Variants in SLC7A11 observed in about 807,000 individuals in gnomAD.
The protein encoded by SLC7A11 is cystine/glutamate transporter.
In SLC7A11, 35 loss-of-function variants were observed where a neutral mutation model predicts 54.5. The ratio of observed to expected loss-of-function variants is 0.64; its 90% CI spans 0.49 to 0.85. SLC7A11 has a LOEUF of 0.85. Ranked by LOEUF, SLC7A11 falls within the 40% of genes least tolerant of loss-of-function variation. The pLI, the probability that SLC7A11 is intolerant of heterozygous loss-of-function variation, is 0.00. For synonymous variants in SLC7A11, 230 were observed against 225.2 expected, an observed-to-expected ratio of 1.02 and a Z score of -0.19; for missense variants, 583 against 618.1, an observed-to-expected ratio of 0.94 and a Z score of 0.60.
rs377687112 is a variant in SLC7A11, at chr4:138,232,249, T to G, written c.520+18A>C. On this transcript the variant is annotated intron_variant, in intron 3 of 11. Coordinates refer to ENST00000280612, the MANE Select transcript of SLC7A11 (RefSeq NM_014331.4). ...TGTGTTGTTTTTCCTTTTTCACATATATAGCTATAATACTCACTTATGCCC... is the reference window on the plus strand; with the variant it reads ...TGTGTTGTTTTTCCTTTTTCACATAGATAGCTATAATACTCACTTATGCCC... 1 of 1,449,702 alleles carries G rather than the reference T, an allele frequency of 6.9e-7. No homozygotes were observed. The highest frequency in any genetic ancestry group is 9.7e-7 in the Non-Finnish European group (1 of 1,030,258). 89.8% of individuals were successfully genotyped at this position (1,449,702 alleles called of 1,614,324 possible). A position where few individuals can be genotyped will look rare whatever the true frequency, so the allele number is the denominator to read the frequency against.
chr4:138,185,061 T>A, intron 7 of SLC7A11, 60 bp downstream of exon 7: 3 of 1,588,344 alleles, frequency 1.9e-6, no homozygotes, highest in South Asian at 1.1e-5. Flanking sequence ...GGAACTACTA[T>A]AAAATTGCAT....
At chr4:138,236,818 C>A (rs1347452802) in intron 1 of SLC7A11, among the ~76,000 whole-genome samples, 1 of 151,980 alleles carries the variant, frequency 6.6e-6, no homozygotes, top group Non-Finnish European at 1.5e-5. Flanking sequence ...AGAACACAAC[C>A]TCACACCAAG....
chr4:138,220,930 C>T (rs1054278387), intron 4 of SLC7A11, among the ~76,000 whole-genome samples: 3 of 152,154 alleles, frequency 2.0e-5, no homozygotes, highest in African/African-American at 7.2e-5. Flanking sequence ...AACAATTTTT[C>T]TCTCAAATGA....
Position 138,170,233 on chromosome 4 carries a change from A to ATATATATATATATATATATATT in SLC7A11, c.*1722_*1723insAATATATATATATATATATATA, listed in dbSNP as rs1491293485. 1.0e-5 allele frequency: 1 copy of ATATATATATATATATATATATT among 98,628 alleles called. No individual in the cohort carries two copies. Among genetic ancestry groups the ATATATATATATATATATATATT allele is most frequent in the Non-Finnish European group, 2.0e-5 (1 of 50,414 alleles). 6.1% of individuals were successfully genotyped at this position (98,628 alleles called of 1,614,324 possible). A position where few individuals can be genotyped will look rare whatever the true frequency, so the allele number is the denominator to read the frequency against. On this transcript the variant is annotated 3_prime_UTR_variant, in exon 12 of 12. Coordinates refer to ENST00000280612, the MANE Select transcript of SLC7A11 (RefSeq NM_014331.4). ...TATATATATATATATATATATAAAA[A>ATATATATATATATATATATATT]GTGTGTGTGTGTGTGTGTATATATA...
chr4:138,189,250 T>A (rs1053433636), intron 6 of SLC7A11, among the ~76,000 whole-genome samples: 20 of 152,282 alleles, frequency 1.3e-4, no homozygotes, highest in Admixed American at 1.3e-3. Context: ...CACTGGCAAA[T>A]ACATCTTATT....
intron 3 of SLC7A11, among the ~76,000 whole-genome samples, chr4:138,231,458 G>T (rs1578671601): frequency 1.3e-5 from 2 of 152,110 alleles, no homozygotes; most frequent in South Asian, 4.1e-4. Flanking sequence ...CCACGATTAT[G>T]CAGTTGAGTT....
At position 138,167,679 on chromosome 4, in the gene SLC7A11, T is replaced by C. The variant is rs1736302333; in HGVS notation, c.*4277A>G. On this transcript the variant is annotated 3_prime_UTR_variant, in exon 12 of 12. Transcript: ENST00000280612. ...TAATTTATATCCACTATGAGCTTCT[T>C]CCCAGTTGTTATACAATGCCATATT... The C allele has an allele frequency of 6.6e-6, 1 of 152,186 alleles. No individual in the cohort carries two copies. The highest frequency in any genetic ancestry group is 2.4e-5 in the African/African-American group (1 of 41,450). The allele number at this position is 152,186 out of a possible 1,614,324, so 9.4% of individuals were successfully genotyped here.
intron 1 of SLC7A11, among the ~76,000 whole-genome samples, chr4:138,240,827 G>A (rs1738358937): frequency 6.6e-6 from 1 of 152,146 alleles, no homozygotes; most frequent in South Asian, 2.1e-4. Flanking sequence ...CAAATTTAAT[G>A]TTTGACAGTT....
rs781077829 is a variant in SLC7A11 at position 138,180,796 on chromosome 4, G to T, written c.1117-6C>A. On this transcript the variant is annotated splice_polypyrimidine_tract_variant and splice_region_variant and intron_variant, in intron 9 of 11. Coordinates refer to ENST00000280612, the MANE Select transcript of SLC7A11 (RefSeq NM_014331.4). ...ATTATCATTGTCAAAGGGTGCTGAG[G>T]GGGGAAAGGGAAGCAAGCTTGGTGA... The T allele has an allele frequency of 9.9e-6, 16 of 1,608,448 alleles. No homozygotes were observed. The African/African-American group carries it at 1.3e-4, about 13-fold the overall frequency.
Position 138,179,304 on chromosome 4 carries a change from C to T in SLC7A11, c.1357G>A (p.Gly453Ser), listed in dbSNP as rs1194007668. 1.9e-6 allele frequency: 3 copies of T among 1,612,452 alleles called. No individual in the cohort carries two copies. The highest frequency in any genetic ancestry group is 1.1e-5 in the South Asian group (1 of 91,030). The change falls in exon 11 of 12, where the codon GGC becomes AGC. Residue 453 changes from glycine (G) to serine (S), a missense_variant. Coordinates refer to ENST00000280612, the MANE Select transcript of SLC7A11 (RefSeq NM_014331.4). ...ACTCCAGTCAGAGTGATGACGAAGC[C>T]AATCCCTGTACTAAATGGGTCCGAA... ...LYSDPFSTGI[G>S]FVITLTGVPA...
At chr4:138,189,732 G>A (rs1008512993) in intron 6 of SLC7A11, among the ~76,000 whole-genome samples, 1 of 152,052 alleles carries the variant, frequency 6.6e-6, no homozygotes, top group Admixed American at 6.6e-5. Flanking sequence ...GCAGAATAAG[G>A]TGCATTTTTT....
At chr4:138,196,596 A>G (rs1452069140) in intron 6 of SLC7A11, among the ~76,000 whole-genome samples, 1 of 152,156 alleles carries the variant, frequency 6.6e-6, no homozygotes, top group Non-Finnish European at 1.5e-5. Flanking sequence ...AAGACTTGTT[A>G]TGAAATAGGC....
At position 138,168,386 on chromosome 4, in the gene SLC7A11, T is replaced by C. The variant is rs991951085; in HGVS notation, c.*3570A>G. 1 of 152,226 alleles carries C rather than the reference T, an allele frequency of 6.6e-6. No homozygotes were observed. Among genetic ancestry groups the C allele is most frequent in the African/African-American group, 2.4e-5 (1 of 41,464 alleles). The allele number at this position is 152,226 out of a possible 1,614,324, so 9.4% of individuals were successfully genotyped here. A position where few individuals can be genotyped will look rare whatever the true frequency, so the allele number is the denominator to read the frequency against. On this transcript the variant is annotated 3_prime_UTR_variant, in exon 12 of 12. Coordinates refer to ENST00000280612, the MANE Select transcript of SLC7A11 (RefSeq NM_014331.4). ...ATTTCCTGATTCTCTGGCCTTCGGTTTTTTATCTTTTCATACCTTATACCT... is the reference window on the plus strand; with the variant it reads ...ATTTCCTGATTCTCTGGCCTTCGGTCTTTTATCTTTTCATACCTTATACCT...
intron 4 of SLC7A11, among the ~76,000 whole-genome samples, chr4:138,220,748 T>C (rs1010187489): frequency 1.3e-4 from 20 of 152,204 alleles, no homozygotes; most frequent in Middle Eastern, 3.2e-3. Flanking sequence ...AAAATAAAAC[T>C]TCATGTAAAT....
At chr4:138,216,812 A>AG (rs1337461535) in intron 5 of SLC7A11, among the ~76,000 whole-genome samples, 3 of 152,268 alleles carry the variant, frequency 2.0e-5, no homozygotes, top group Non-Finnish European at 2.9e-5. Context: ...CCCTTTTATT[A>AG]GGGGGGTATC....
At chr4:138,189,509 A>G (rs1736958591) in intron 6 of SLC7A11, among the ~76,000 whole-genome samples, 1 of 152,086 alleles carries the variant, frequency 6.6e-6, no homozygotes, top group South Asian at 2.1e-4. Context: ...TCACAATGTC[A>G]TGGCTGCTTT....
chr4:138,242,164 T>G lies in SLC7A11; in HGVS notation c.-95A>C. On this transcript the variant is annotated 5_prime_UTR_variant, in exon 1 of 12. Coordinates refer to ENST00000280612, the MANE Select transcript of SLC7A11 (RefSeq NM_014331.4). ...GGTGTTACTGATCGATGTCTTCCTC[T>G]GCTTTCAGACTGTCTCTCTCAGCGC... is the stretch of plus-strand genomic sequence containing the variant. The G allele has an allele frequency of 7.3e-7, 1 of 1,377,906 alleles. No individual in the cohort carries two copies. Among genetic ancestry groups the G allele is most frequent in the South Asian group, 1.3e-5 (1 of 74,572 alleles). 85.4% of individuals were successfully genotyped at this position (1,377,906 alleles called of 1,614,324 possible). A position where few individuals can be genotyped will look rare whatever the true frequency, so the allele number is the denominator to read the frequency against.
At chr4:138,196,078 A>G (rs922805584) in intron 6 of SLC7A11, among the ~76,000 whole-genome samples, 3 of 152,190 alleles carry the variant, frequency 2.0e-5, no homozygotes, top group African/African-American at 7.2e-5. Flanking sequence ...GGAAATGTTT[A>G]TTCCACCAAA....
At chr4:138,198,016 A>G (rs1737182742) in intron 6 of SLC7A11, among the ~76,000 whole-genome samples, 1 of 150,956 alleles carries the variant, frequency 6.6e-6, no homozygotes, top group African/African-American at 2.4e-5. Flanking sequence ...CTAAGGAGTA[A>G]TATGACTATT....
Sources: allele counts gnomAD v4.1 joint callset (sites outside exome capture counted in the v4.1 genomes callset), GRCh38; gene constraint gnomAD v4.1.1; transcripts MANE v1.5; gene names NCBI Gene and HGNC (gene_info 2026-07-23, HGNC 2026-07-21).